Variants in ARMC3 observed in about 807,000 individuals in gnomAD.
ARMC3 encodes armadillo repeat-containing protein 3.
Under a neutral mutation model 90.3 loss-of-function variants are expected in ARMC3, and 74 were observed. That is an observed-to-expected ratio of 0.82 (90% confidence interval 0.68 to 0.99). ARMC3 has a LOEUF of 0.99. ARMC3 is among the 50% of genes least tolerant of loss of function. ARMC3 has a pLI of 0.00. For missense variants in ARMC3, 958 were observed against 1,042.8 expected (o/e 0.92, Z 1.12); for synonymous variants, 334 against 361.8 (o/e 0.92, Z 0.87).
At chr10:22,992,000 T>C (rs1006490632) in intron 10 of ARMC3, among the ~76,000 whole-genome samples, 2 of 152,206 alleles carry the variant, frequency 1.3e-5, no homozygotes, top group African/African-American at 4.8e-5. Context: ...TTGACCATCA[T>C]TTCTATTTTA....
intron 8 of ARMC3, among the ~76,000 whole-genome samples, chr10:22,978,921 A>G (rs1025242825): frequency 1.2e-4 from 18 of 152,232 alleles, no homozygotes; most frequent in Non-Finnish European, 2.6e-4. Context: ...GAAACGTCCA[A>G]ACTCATAAAC....
Position 22,962,066 on chromosome 10 carries a change from C to T in ARMC3, c.720C>T (p.Ile240=), listed in dbSNP as rs1835222410. The change falls in exon 7 of 19, where the codon ATC becomes ATT. Residue 240 remains isoleucine (I), a synonymous_variant. Coordinates refer to ENST00000298032, the MANE Select transcript of ARMC3 (RefSeq NM_173081.5). The stretch of plus-strand genomic sequence containing the variant: ...AAGGATTGGACCATCTTATTAAGAT[C>T]CTAGAAACTAAGGTATTTAGTTTCA... The part of the protein sequence containing the change: ...DNQGLDHLIK[I]LETKELNDLH... The T allele has an allele frequency of 4.5e-6, 7 of 1,564,932 alleles. No individual in the cohort carries two copies. The highest frequency in any genetic ancestry group is 6.1e-6 in the Non-Finnish European group (7 of 1,156,858).
intron 2 of ARMC3, among the ~76,000 whole-genome samples, chr10:22,943,815 C>A (rs1834415018): frequency 6.6e-6 from 1 of 151,998 alleles, no homozygotes; most frequent in Non-Finnish European, 1.5e-5. Flanking sequence ...CACCTGTAAT[C>A]CCAGCTACTC....
chr10:23,011,085 G>A (rs1837993934), intron 16 of ARMC3, among the ~76,000 whole-genome samples: 1 of 147,496 alleles, frequency 6.8e-6, no homozygotes, highest in Non-Finnish European at 1.5e-5. Flanking sequence ...GTTTTGCTCT[G>A]CCCTACCCTT....
At chr10:23,003,961 A>T (rs1837450890) in intron 13 of ARMC3, among the ~76,000 whole-genome samples, 1 of 152,184 alleles carries the variant, frequency 6.6e-6, no homozygotes, top group East Asian at 1.9e-4. Context: ...AGCCTGGGGA[A>T]CATAGTGAGA....
intron 16 of ARMC3, among the ~76,000 whole-genome samples, chr10:23,013,054 AATTTTTATTTTT>A (rs1254325577): frequency 6.6e-6 from 1 of 151,914 alleles, no homozygotes; most frequent in Non-Finnish European, 1.5e-5. Context: ...ATGCCCAGCT[AATTTTTATTTTT>A]ATTTTTATTT....
chr10:22,962,059 T>C lies in ARMC3; in HGVS notation c.713T>C (p.Ile238Thr). 6.3e-7 allele frequency: 1 copy of C among 1,576,564 alleles called. No individual in the cohort carries two copies. The highest frequency in any genetic ancestry group is 8.6e-7 in the Non-Finnish European group (1 of 1,163,204). The change falls in exon 7 of 19, where the codon ATT becomes ACT. Residue 238 changes from isoleucine to threonine, a missense_variant. Transcript: ENST00000298032. Reference sequence around the variant, plus strand: ...GACAATCAAGGATTGGACCATCTTATTAAGATCCTAGAAACTAAGGTATTT... The same window carrying C: ...GACAATCAAGGATTGGACCATCTTACTAAGATCCTAGAAACTAAGGTATTT... The part of the protein sequence containing the change: ...LRDNQGLDHL[I>T]KILETKELND...
At chr10:22,963,401 A>T (rs765835497) in intron 7 of ARMC3, among the ~76,000 whole-genome samples, 2 of 152,140 alleles carry the variant, frequency 1.3e-5, no homozygotes, top group African/African-American at 2.4e-5. Context: ...TGGTATGTAT[A>T]TATGTATATA....
At chr10:22,955,778 G>T in intron 3 of ARMC3, 29 bp from the exon 4 acceptor site, 6 of 1,612,282 alleles carry the variant, frequency 3.7e-6, no homozygotes, top group Non-Finnish European at 5.1e-6. Flanking sequence ...TAATATCCAT[G>T]TGTGGTTTTG....
In ARMC3 at chr10:22,998,982, C is replaced by T. The variant is rs79925393; in HGVS notation, c.1425+585C>T. ...ATGCTGAATCCGAAATTCAAGAAAG[C>T]GGTTGCTTCTGTAGGGAGAAAGGGG... On this transcript the variant is annotated intron_variant, in intron 11 of 18. Transcript: ENST00000298032. 2.2e-3 allele frequency among the ~76,000 whole-genome samples: 332 copies of T among 152,208 alleles called. 2 individuals carry two copies. The highest frequency in any genetic ancestry group is 7.2e-3 in the African/African-American group (297 of 41,524).
chr10:23,002,028 T>C lies in ARMC3; in HGVS notation c.1535T>C (p.Leu512Pro), dbSNP rs1260475713. Reference protein sequence around the residue: ...WAVMVCAGDELTANELCRLGA... With the variant: ...WAVMVCAGDEPTANELCRLGA... ...GTGATGGTCTGTGCTGGTGACGAGC[T>C]GACGGCCAATGAATTATGCAGGCTC... The change falls in exon 12 of 19, where the codon CTG becomes CCG. Residue 512 changes from leucine to proline, a missense_variant. By Grantham distance (98) the Leu-to-Pro change is moderately conservative. Transcript: ENST00000298032. The C allele has an allele frequency of 3.7e-6, 6 of 1,613,730 alleles. No homozygotes were observed. The highest frequency in any genetic ancestry group is 4.2e-6 in the Non-Finnish European group (5 of 1,179,800).
intron 11 of ARMC3, 24 bp downstream of exon 11, chr10:22,998,421 TCTCTC>T: frequency 6.2e-7 from 1 of 1,611,906 alleles, no homozygotes; most frequent in African/African-American, 1.3e-5. Context: ...TAACATGTGT[TCTCTC>T]ATTTTTCTGG....
intron 2 of ARMC3, among the ~76,000 whole-genome samples, chr10:22,943,327 G>A (rs571060168): frequency 1.3e-5 from 2 of 152,020 alleles, no homozygotes; most frequent in African/African-American, 4.8e-5. Context: ...TTTTCATCTT[G>A]TAATTTCTTT....
In ARMC3 at chr10:22,968,339, G is replaced by A. The variant is rs1345722972; in HGVS notation, c.766G>A (p.Val256Met). ...LNDLHIEALAVIANCLEDMDT... is the reference protein window; with the variant it reads ...LNDLHIEALAMIANCLEDMDT... The stretch of plus-strand genomic sequence containing the variant: ...TGACCTTCATATAGAAGCACTTGCA[G>A]TGATAGCCAATTGCCTTGAAGACAT... The change falls in exon 8 of 19, where the codon GTG becomes ATG. Residue 256 changes from valine to methionine, a missense_variant. By Grantham distance (21) the Val-to-Met change is conservative (BLOSUM62 1). Coordinates refer to ENST00000298032, the MANE Select transcript of ARMC3 (RefSeq NM_173081.5). The A allele has an allele frequency of 1.2e-6, 2 of 1,614,010 alleles. No homozygotes were observed. Among genetic ancestry groups the A allele is most frequent in the South Asian group, 2.2e-5 (2 of 91,088 alleles).
At chr10:23,022,133 T>A (rs918122895) in intron 16 of ARMC3, among the ~76,000 whole-genome samples, 2 of 152,212 alleles carry the variant, frequency 1.3e-5, no homozygotes, top group Non-Finnish European at 2.9e-5. Context: ...TCAAGAAGAT[T>A]TCCTCCTTTG....
At chr10:22,976,176 G>A (rs946408583) in intron 8 of ARMC3, among the ~76,000 whole-genome samples, 1 of 152,294 alleles carries the variant, frequency 6.6e-6, no homozygotes, top group Admixed American at 6.5e-5. Flanking sequence ...CATTGTCTGT[G>A]GCCTGGGTGA....
chr10:23,014,715 C>G (rs868850163), intron 16 of ARMC3, among the ~76,000 whole-genome samples: 1 of 152,088 alleles, frequency 6.6e-6, no homozygotes, highest in African/African-American at 2.4e-5. Flanking sequence ...AAACCAAATA[C>G]TGTATGTTCT....
intron 1 of ARMC3, among the ~76,000 whole-genome samples, chr10:22,930,391 A>C (rs1167469041): frequency 2.6e-5 from 4 of 152,358 alleles, no homozygotes; most frequent in South Asian, 2.1e-4. Flanking sequence ...CTCATTTTAC[A>C]AGAATTTCCA....
intron 4 of ARMC3, among the ~76,000 whole-genome samples, chr10:22,957,737 G>T (rs1406094340): frequency 2.6e-5 from 4 of 151,926 alleles, no homozygotes; most frequent in Non-Finnish European, 4.4e-5. Context: ...TTGAATTATG[G>T]GCCTTCCTAA....
Sources: gnomAD v4.1 joint callset for allele counts (sites outside exome capture counted in the v4.1 genomes callset) on GRCh38, gnomAD v4.1.1 for gene constraint, MANE v1.5 for transcripts, NCBI Gene and HGNC (gene_info 2026-07-23, HGNC 2026-07-21) for gene names.